Variants in KCND3 observed in about 807,000 individuals in gnomAD.
KCND3 encodes the protein potassium voltage-gated channel subfamily D member 3, also known as A-type voltage-gated potassium channel KCND3.
Under a neutral mutation model 51.1 loss-of-function variants are expected in KCND3, and 9 were observed. The observed-to-expected ratio is 0.18, with a 90% CI of 0.11 to 0.31. KCND3 has a LOEUF of 0.31. Among genes scored for constraint, KCND3 ranks in the 10% least tolerant of loss-of-function variants. KCND3 has a pLI of 1.00. For missense variants in KCND3, 526 were observed against 903.8 expected, an observed-to-expected ratio of 0.58 and a Z score of 5.36; for synonymous variants, 349 against 368.0, an observed-to-expected ratio of 0.95 and a Z score of 0.59.
chr1:111,947,518 G>A (rs768765236), intron 2 of KCND3, among the ~76,000 whole-genome samples: 20 of 152,228 alleles, frequency 1.3e-4, no homozygotes, highest in Non-Finnish European at 2.5e-4. Flanking sequence ...GTTCAGACTT[G>A]GAGAGGTTAA....
At chr1:111,927,729 G>T (rs1671775230) in intron 2 of KCND3, among the ~76,000 whole-genome samples, 1 of 152,204 alleles carries the variant, frequency 6.6e-6, no homozygotes, top group Non-Finnish European at 1.5e-5. Context: ...CACCAGAGAT[G>T]CAAAGAACAG....
At chr1:111,947,758 T>TA (rs34688492) in intron 2 of KCND3, among the ~76,000 whole-genome samples, 2 of 152,220 alleles carry the variant, frequency 1.3e-5, no homozygotes, top group Non-Finnish European at 2.9e-5. Flanking sequence ...TCATAATGGC[T>TA]AAAAAATAAC....
chr1:111,972,677 A>G (rs2101966182), intron 2 of KCND3, among the ~76,000 whole-genome samples: 1 of 152,292 alleles, frequency 6.6e-6, no homozygotes, highest in Admixed American at 6.5e-5. Flanking sequence ...TGTACTCCTG[A>G]TCTTTTCAGC....
In KCND3 at chr1:111,864,739, G is replaced by A. The variant is rs544405871; in HGVS notation, c.1107-77633C>T. Among the ~76,000 whole-genome samples the A allele has an allele frequency of 7.2e-5, 11 of 152,274 alleles. No individual in the cohort carries two copies. In the East Asian group the frequency reaches 2.1e-3, roughly 29 times the overall value. On this transcript the variant is annotated intron_variant, in intron 2 of 7. Transcript: ENST00000302127. ...AAGGTCAAGCAGCTTCCCAAACTATGCCCTTCAGATGGCCTCACTTCAGTC... is the reference window on the plus strand; with the variant it reads ...AAGGTCAAGCAGCTTCCCAAACTATACCCTTCAGATGGCCTCACTTCAGTC...
chr1:111,850,622 A>T (rs11587564), intron 2 of KCND3, among the ~76,000 whole-genome samples: 2 of 152,214 alleles, frequency 1.3e-5, no homozygotes, highest in Admixed American at 1.3e-4. Context: ...CTGTGTGTGA[A>T]GATAGCCCGC....
intron 2 of KCND3, among the ~76,000 whole-genome samples, chr1:111,839,957 C>T (rs908243438): frequency 1.3e-5 from 2 of 152,204 alleles, no homozygotes; most frequent in African/African-American, 4.8e-5. Context: ...ATACCATAAA[C>T]TGGGTGGATT....
chr1:111,970,152 G>A (rs1674249285), intron 2 of KCND3, among the ~76,000 whole-genome samples: 1 of 151,962 alleles, frequency 6.6e-6, no homozygotes, highest in Non-Finnish European at 1.5e-5. Context: ...GAGTAGCTGG[G>A]ATTACAGGCG....
chr1:111,934,018 C>A (rs905053720), intron 2 of KCND3, among the ~76,000 whole-genome samples: 2 of 152,204 alleles, frequency 1.3e-5, no homozygotes, highest in Non-Finnish European at 2.9e-5. Flanking sequence ...CTGGACCCAT[C>A]CCACTAGCTA....
intron 2 of KCND3, among the ~76,000 whole-genome samples, chr1:111,826,571 G>A (rs920709809): frequency 1.3e-5 from 2 of 152,098 alleles, no homozygotes; most frequent in Non-Finnish European, 2.9e-5. Flanking sequence ...TTGGCTCAGG[G>A]CTCTTAATCT....
chr1:111,861,416 C>G (rs943436790), intron 2 of KCND3, among the ~76,000 whole-genome samples: 1 of 152,166 alleles, frequency 6.6e-6, no homozygotes, highest in African/African-American at 2.4e-5. Context: ...GTGCAAATCC[C>G]TTTCCTTTCC....
Position 111,780,671 on chromosome 1 carries a change from A to C in KCND3, c.1371+19T>G, listed in dbSNP as rs1664337822. On this transcript the variant is annotated intron_variant, in intron 4 of 7. Coordinates refer to ENST00000302127, the MANE Select transcript of KCND3 (RefSeq NM_001378969.1). This position sits in a 1 kb window ranked among gnomAD's most constrained non-coding sequence, Gnocchi z 4.2. ...TCTACCCCTTTATGTTCCCTAGCCC[A>C]GGTCCTCTAGGCACCTACCGTCAGC... 1.9e-6 allele frequency: 3 copies of C among 1,593,744 alleles called. No homozygotes were observed. Among genetic ancestry groups the C allele is most frequent in the Non-Finnish European group, 2.6e-6 (3 of 1,167,708 alleles).
intron 2 of KCND3, among the ~76,000 whole-genome samples, chr1:111,974,830 G>C (rs1319686175): frequency 2.0e-5 from 3 of 152,150 alleles, no homozygotes; most frequent in African/African-American, 7.2e-5. Context: ...TGATTTTGAG[G>C]GATTCCAGAA....
intron 2 of KCND3, among the ~76,000 whole-genome samples, chr1:111,841,092 T>A (rs931058985): frequency 6.6e-6 from 1 of 152,226 alleles, no homozygotes; most frequent in Non-Finnish European, 1.5e-5. Context: ...AAGTAAAAAA[T>A]TTATCAGCTC....
intron 2 of KCND3, among the ~76,000 whole-genome samples, chr1:111,819,188 A>G (rs1030525967): frequency 1.3e-5 from 2 of 152,094 alleles, no homozygotes; most frequent in Non-Finnish European, 2.9e-5. Flanking sequence ...TACACACACA[A>G]ATACTCTACT....
intron 2 of KCND3, among the ~76,000 whole-genome samples, chr1:111,797,864 GA>G (rs1665124821): frequency 6.7e-6 from 1 of 148,918 alleles, no homozygotes; most frequent in South Asian, 2.1e-4. Flanking sequence ...TAAATGATAG[GA>G]AAAAATATTC....
intron 2 of KCND3, among the ~76,000 whole-genome samples, chr1:111,862,337 GGCATA>G (rs1668371056): frequency 6.6e-6 from 1 of 152,184 alleles, no homozygotes; most frequent in African/African-American, 2.4e-5. Context: ...AAAATAAATG[GGCATA>G]GCCATGTTTC....
intron 2 of KCND3, among the ~76,000 whole-genome samples, chr1:111,976,917 G>A (rs1343904457): frequency 1.3e-5 from 2 of 152,250 alleles, no homozygotes; most frequent in African/African-American, 4.8e-5. Flanking sequence ...TGCCTGGAGT[G>A]TAGGAAGCAC....
At chr1:111,869,072 C>T (rs533420984) in intron 2 of KCND3, among the ~76,000 whole-genome samples, 1 of 152,334 alleles carries the variant, frequency 6.6e-6, no homozygotes, top group South Asian at 2.1e-4. Flanking sequence ...ATACTTCCTT[C>T]CACACGCTGC....
At chr1:111,814,787 C>T (rs1666009972) in intron 2 of KCND3, among the ~76,000 whole-genome samples, 2 of 152,232 alleles carry the variant, frequency 1.3e-5, no homozygotes, top group Admixed American at 1.3e-4. Context: ...CCCAGCAGCC[C>T]AGCTGCCCAG....
Sources: gnomAD v4.1 joint callset for allele counts (sites outside exome capture counted in the v4.1 genomes callset) on GRCh38, gnomAD v4.1.1 for gene constraint, Gnocchi (gnomAD v3.1) non-coding constraint, MANE v1.5 for transcripts, NCBI Gene and HGNC (gene_info 2026-07-23, HGNC 2026-07-21) for gene names.